LAMB4: variants seen among roughly 807,000 people sequenced by gnomAD.
LAMB4 encodes laminin subunit beta-4.
A neutral mutation model predicts 199.2 loss-of-function variants in LAMB4; 196 were observed. The ratio of observed to expected loss-of-function variants is 0.98; its 90% CI spans 0.88 to 1.11. The LOEUF is 1.11. Among genes scored for constraint, LAMB4 ranks in the 50% least tolerant of loss-of-function variants. The pLI is 0.00. For synonymous variants in LAMB4, 744 were observed against 770.6 expected, an observed-to-expected ratio of 0.97 and a Z score of 0.57; for missense variants, 2,080 against 2,171.2, an observed-to-expected ratio of 0.96 and a Z score of 0.83.
intron 4 of LAMB4, 84 bp from the exon 5 acceptor site, chr7:108,109,328 G>T: frequency 9.9e-7 from 1 of 1,010,098 alleles, no homozygotes; most frequent in Non-Finnish European, 1.5e-6. Flanking sequence ...TGGCTTATCT[G>T]TAATAAAATC....
At position 108,066,457 on chromosome 7, in the gene LAMB4, G is replaced by C. The variant is rs2036346007; in HGVS notation, c.2590C>G (p.Pro864Ala). ...YFGFPSCHPC[P>A]CNRFAELCDP... ...CAAAGTTCAGCAAACCTATTACAAGGGCAAGGGTGGCAGCTGGGAAATCCA... is the reference window on the plus strand; with the variant it reads ...CAAAGTTCAGCAAACCTATTACAAGCGCAAGGGTGGCAGCTGGGAAATCCA... The change falls in exon 20 of 34, where the codon CCT becomes GCT. Residue 864 changes from proline to alanine, a missense_variant. Pro to Ala is a conservative substitution (Grantham distance 27). Transcript: ENST00000388781. 3 of 1,614,044 alleles carry C rather than the reference G, an allele frequency of 1.9e-6. No individual in the cohort carries two copies. The highest frequency in any genetic ancestry group is 1.3e-5 in the African/African-American group (1 of 74,938).
At chr7:108,127,888 A>T (rs2038850019) in intron 1 of LAMB4, among the ~76,000 whole-genome samples, 1 of 152,190 alleles carries the variant, frequency 6.6e-6, no homozygotes, top group Non-Finnish European at 1.5e-5. Flanking sequence ...TGAGAGGAAG[A>T]TGCTGTATGG....
In LAMB4 at chr7:108,034,197, A is replaced by G; in HGVS notation, c.4818+11T>C. ...AACCTATTTCAGGTTAGTTTCAAAG[A>G]AGACAAATACCTGCAGCACATTCTT... On this transcript the variant is annotated intron_variant, in intron 31 of 33. Transcript: ENST00000388781. The G allele has an allele frequency of 6.2e-7, 1 of 1,613,770 alleles. No individual in the cohort carries two copies. Among genetic ancestry groups the G allele is most frequent in the South Asian group, 1.1e-5 (1 of 91,046 alleles).
At chr7:108,126,097 CAG>C (rs1213613609) in intron 1 of LAMB4, among the ~76,000 whole-genome samples, 1 of 152,192 alleles carries the variant, frequency 6.6e-6, no homozygotes, top group East Asian at 1.9e-4. Flanking sequence ...AGATAAATGA[CAG>C]AATCACACAG....
rs201628267 is a variant in LAMB4 at position 108,105,864 on chromosome 7, G to A, written c.823C>T (p.Arg275Cys). 490 of 1,614,204 alleles carry A rather than the reference G, an allele frequency of 3.0e-4. No individual in the cohort carries two copies. Among genetic ancestry groups the A allele is most frequent in the Middle Eastern group, 4.9e-4 (3 of 6,062 alleles). ...CFCNGHASEC[R>C]PMQKMRGDVF... ...TCTCCCCGCATCTTCTGCATAGGGC[G>A]ACATTCGCTAGCATGGCCATTGCAA... is the stretch of plus-strand genomic sequence containing the variant. The change falls in exon 8 of 34, where the codon CGC becomes TGC. Residue 275 changes from arginine to cysteine, a missense_variant. Transcript: ENST00000388781.
At chr7:108,020,518 T>C (rs182507003), downstream of LAMB4, among the ~76,000 whole-genome samples, 229 of 151,946 alleles carry the variant, frequency 1.5e-3, 1 homozygote, top group African/African-American at 5.4e-3. Context: ...ATGTTGTTGT[T>C]GCATATAAAT....
intron 14 of LAMB4, among the ~76,000 whole-genome samples, chr7:108,086,648 A>G (rs948779691): frequency 1.3e-5 from 2 of 152,186 alleles, no homozygotes; most frequent in Non-Finnish European, 1.5e-5. Context: ...AATGTCAGAG[A>G]AAAATCTGAG....
In LAMB4 at chr7:108,037,427, T is replaced by A; in HGVS notation, c.4640A>T (p.Asp1547Val). ...CTTCACCAAAAGCTTTTGGGCTCCA[T>A]CTGCTTCTTCATTTAACCTGTTTTC... ...TDENRLNEEA[D>V]GAQKLLVKAK... The change falls in exon 30 of 34, where the codon GAT becomes GTT. Residue 1547 changes from aspartate (D) to valine (V), a missense_variant. By Grantham distance (152) the Asp-to-Val change is radical. Coordinates refer to ENST00000388781, the MANE Select transcript of LAMB4 (RefSeq NM_007356.3). 6.2e-7 allele frequency: 1 copy of A among 1,614,206 alleles called. No individual in the cohort carries two copies. The highest frequency in any genetic ancestry group is 2.2e-5 in the East Asian group (1 of 44,884).
In LAMB4 at chr7:108,086,358, C is replaced by T. The variant is rs570017265; in HGVS notation, c.1701+5268G>A. ...ATAGGCTTTTCTTGACATACATTCC[C>T]TCAATAAAACACATGCACCTGAATC... On this transcript the variant is annotated intron_variant, in intron 14 of 33. Coordinates refer to ENST00000388781, the MANE Select transcript of LAMB4 (RefSeq NM_007356.3). 2.7e-3 allele frequency among the ~76,000 whole-genome samples: 404 copies of T among 152,236 alleles called. 3 individuals are homozygous for T. Among genetic ancestry groups the T allele is most frequent in the Non-Finnish European group, 4.2e-3 (289 of 68,022 alleles).
intron 3 of LAMB4, among the ~76,000 whole-genome samples, chr7:108,115,151 G>A (rs930765501): frequency 2.6e-5 from 4 of 152,192 alleles, no homozygotes; most frequent in Admixed American, 6.5e-5. Context: ...AAGTAGACTA[G>A]TAAATTTTAT....
intron 10 of LAMB4, among the ~76,000 whole-genome samples, 155 bp downstream of exon 10, chr7:108,102,889 G>T (rs1469943476): frequency 6.6e-6 from 1 of 152,188 alleles, no homozygotes. Flanking sequence ...AGAAGGATGA[G>T]CTCTTAAAGC....
chr7:108,037,874 C>G (rs1332783362), intron 29 of LAMB4, among the ~76,000 whole-genome samples: 5 of 152,172 alleles, frequency 3.3e-5, no homozygotes, highest in Non-Finnish European at 7.3e-5. Flanking sequence ...GTGTATTCTA[C>G]AAAATGTCCT....
At chr7:108,063,150 T>A (rs73725314) in intron 22 of LAMB4, among the ~76,000 whole-genome samples, 156 bp from the exon 23 acceptor site, 5,281 of 152,260 alleles carry the variant, frequency 0.035, 309 homozygotes, top group African/African-American at 0.12. Flanking sequence ...AAAGAATCTA[T>A]GTAGGTTGAA....
intron 28 of LAMB4, among the ~76,000 whole-genome samples, chr7:108,046,679 A>G (rs1192156593): frequency 6.6e-6 from 1 of 152,140 alleles, no homozygotes; most frequent in Non-Finnish European, 1.5e-5. Flanking sequence ...TTATAGATTT[A>G]ATTATAAGGT....
intron 31 of LAMB4, among the ~76,000 whole-genome samples, chr7:108,032,831 A>G (rs1266978392): frequency 6.6e-6 from 1 of 152,072 alleles, no homozygotes; most frequent in East Asian, 1.9e-4. Flanking sequence ...TCTGTCTTAT[A>G]TGCATGGTGA....
intron 29 of LAMB4, among the ~76,000 whole-genome samples, chr7:108,038,080 T>C (rs1342095283): frequency 6.6e-6 from 1 of 152,142 alleles, no homozygotes; most frequent in African/African-American, 2.4e-5. Flanking sequence ...CTATACCTGA[T>C]GCTACAACTC....
rs1563114387 is a variant in LAMB4, at chr7:108,123,345, G to C, written c.-33-148C>G. ...CACTGTCCAGATCCTCAAAAAATAA[G>C]AGTGCATAAACATTTTAACAAATAT... On this transcript the variant is annotated intron_variant, in intron 1 of 33. Transcript: ENST00000388781. 4 of 418,018 alleles carry C rather than the reference G, an allele frequency of 9.6e-6. No individual in the cohort carries two copies. In the East Asian group the frequency reaches 1.4e-4, roughly 15 times the overall value. The allele number at this position is 418,018 out of a possible 1,614,324, so 25.9% of individuals were successfully genotyped here. A position where few individuals can be genotyped will look rare whatever the true frequency, so the allele number is the denominator to read the frequency against.
At chr7:108,013,813 A>G in the LAMB4 span, among the ~76,000 whole-genome samples, 2 of 152,218 alleles carry the variant, frequency 1.3e-5, no homozygotes, top group Admixed American at 6.5e-5. Context: ...ATGACCATCA[A>G]TAGGAGACTA....
At chr7:108,106,457 CA>C in intron 7 of LAMB4, 51 bp downstream of exon 7, 1 of 1,096,994 alleles carries the variant, frequency 9.1e-7, no homozygotes, top group Non-Finnish European at 1.4e-6. Flanking sequence ...AGGAATATGC[CA>C]AACATGAAAT....
Sources: allele counts gnomAD v4.1 joint callset (sites outside exome capture counted in the v4.1 genomes callset), GRCh38; gene constraint gnomAD v4.1.1; transcripts MANE v1.5; gene names NCBI Gene and HGNC (gene_info 2026-07-23, HGNC 2026-07-21).